FRZB: variants seen among roughly 807,000 people sequenced by gnomAD.
FRZB encodes secreted frizzled-related protein 3.
Under a neutral mutation model 32.5 loss-of-function variants are expected in FRZB, and 34 were observed. That is an observed-to-expected ratio of 1.05 (90% CI 0.80 to 1.39). The LOEUF is 1.39. Ranked by LOEUF, FRZB falls within the 40% of genes most tolerant of loss-of-function variation. The pLI, the probability that FRZB is intolerant of heterozygous loss-of-function variation, is 0.00. For synonymous variants in FRZB, 170 were observed against 159.2 expected (o/e 1.07, Z -0.51); for missense variants, 423 against 424.8 (o/e 1.00, Z 0.04).
At chr2:182,848,814 G>A (rs1695676149) in intron 2 of FRZB, among the ~76,000 whole-genome samples, 1 of 152,186 alleles carries the variant, frequency 6.6e-6, no homozygotes, top group African/African-American at 2.4e-5. Flanking sequence ...AGTCCCAAGT[G>A]TGTACAGTAT....
At chr2:182,845,968 C>T (rs1695635094) in intron 2 of FRZB, among the ~76,000 whole-genome samples, 3 of 152,214 alleles carry the variant, frequency 2.0e-5, no homozygotes, top group Non-Finnish European at 2.9e-5. Flanking sequence ...TAGTCTGCAG[C>T]TCAGGGGAAA....
At chr2:182,852,109 G>A (rs1368698563) in intron 2 of FRZB, among the ~76,000 whole-genome samples, 3 of 152,168 alleles carry the variant, frequency 2.0e-5, no homozygotes, top group African/African-American at 7.2e-5. Context: ...TGGCTCTACA[G>A]TCAGTAAACA....
Position 182,843,928 on chromosome 2 carries a change from C to A in FRZB, c.527-1385G>T, listed in dbSNP as rs1177709589. 2.0e-5 allele frequency among the ~76,000 whole-genome samples: 3 copies of A among 148,160 alleles called. No homozygotes were observed. The South Asian group carries it at 6.4e-4, about 31-fold the overall frequency. On this transcript the variant is annotated intron_variant, in intron 2 of 5. Transcript: ENST00000295113. ...ACTGGGTGATAGAGTAAGACCCCGT[C>A]TCAAAAAAAAAAAAAAGTTGTTTTA...
chr2:182,837,427 G>C (rs536098930), intron 5 of FRZB, among the ~76,000 whole-genome samples: 1 of 152,028 alleles, frequency 6.6e-6, no homozygotes, highest in East Asian at 1.9e-4. Context: ...ACTGCAGTTT[G>C]TTCAAAGAAG....
chr2:182,847,111 A>T (rs1298876756), intron 2 of FRZB, among the ~76,000 whole-genome samples: 1 of 152,236 alleles, frequency 6.6e-6, no homozygotes, highest in Non-Finnish European at 1.5e-5. Context: ...AATCCAGAAG[A>T]GGATAAAGAC....
intron 3 of FRZB, 76 bp from the exon 4 acceptor site, chr2:182,838,689 G>A: frequency 8.4e-7 from 1 of 1,191,526 alleles, no homozygotes; most frequent in African/African-American, 1.5e-5. Flanking sequence ...GCCAAAGTAG[G>A]CTTCTCTTTA....
At chr2:182,858,749 C>T (rs1695798389) in intron 2 of FRZB, 37 bp downstream of exon 2, 1 of 1,532,022 alleles carries the variant, frequency 6.5e-7, no homozygotes. Flanking sequence ...ACTAATCTGA[C>T]CACAAATGAA....
intron 1 of FRZB, among the ~76,000 whole-genome samples, chr2:182,864,290 T>G (rs1279565928): frequency 1.3e-5 from 2 of 152,174 alleles, no homozygotes; most frequent in African/African-American, 4.8e-5. Flanking sequence ...TAAGAGCAAG[T>G]TTTGTGCTTT....
At chr2:182,847,331 A>C (rs181438193) in intron 2 of FRZB, among the ~76,000 whole-genome samples, 1 of 152,334 alleles carries the variant, frequency 6.6e-6, no homozygotes, top group Non-Finnish European at 1.5e-5. Flanking sequence ...AAGACAGAGA[A>C]TATGAAGTCC....
intron 2 of FRZB, among the ~76,000 whole-genome samples, chr2:182,849,430 T>C (rs2105758101): frequency 6.6e-6 from 1 of 152,210 alleles, no homozygotes; most frequent in African/African-American, 2.4e-5. Flanking sequence ...ATTTCTTTCA[T>C]TTTTTTATAA....
intron 2 of FRZB, among the ~76,000 whole-genome samples, chr2:182,849,428 CA>C (rs977403250): frequency 7.9e-5 from 12 of 152,040 alleles, no homozygotes; most frequent in African/African-American, 2.9e-4. Flanking sequence ...ACATTTCTTT[CA>C]TTTTTTTATA....
rs1278162506 is a variant in FRZB at position 182,834,506 on chromosome 2, T to G, written c.*343A>C. The G allele has an allele frequency of 4.1e-6, 1 of 243,958 alleles. No homozygotes were observed. Among genetic ancestry groups the G allele is most frequent in the Non-Finnish European group, 8.0e-6 (1 of 124,960 alleles). The allele number at this position is 243,958 out of a possible 1,614,324, so 15.1% of individuals were successfully genotyped here. A position where few individuals can be genotyped will look rare whatever the true frequency, so the allele number is the denominator to read the frequency against. On this transcript the variant is annotated 3_prime_UTR_variant, in exon 6 of 6. Coordinates refer to ENST00000295113, the MANE Select transcript of FRZB (RefSeq NM_001463.4). ...TTTTCATCCAATATTGCATTCCCAA[T>G]TGGGGTGCAGAAAGTAAATTAACAT...
chr2:182,841,121 C>T (rs1299849777), intron 3 of FRZB, among the ~76,000 whole-genome samples: 1 of 152,038 alleles, frequency 6.6e-6, no homozygotes, highest in African/African-American at 2.4e-5. Flanking sequence ...AGGCATTTGA[C>T]TTCTTACATA....
intron 1 of FRZB, among the ~76,000 whole-genome samples, chr2:182,860,727 C>A (rs1192534266): frequency 6.6e-6 from 1 of 151,880 alleles, no homozygotes; most frequent in African/African-American, 2.4e-5. Flanking sequence ...ATTAGCTGGG[C>A]GTGGTGGCAT....
chr2:182,842,108 C>CT (rs1467631749), intron 3 of FRZB, among the ~76,000 whole-genome samples: 2 of 152,154 alleles, frequency 1.3e-5, no homozygotes, highest in African/African-American at 4.8e-5. Context: ...TCAAAGTGCT[C>CT]TGCTGTTCAC....
At chr2:182,848,596 A>G (rs1308618309) in intron 2 of FRZB, among the ~76,000 whole-genome samples, 1 of 152,108 alleles carries the variant, frequency 6.6e-6, no homozygotes, top group Admixed American at 6.5e-5. Flanking sequence ...TCCTGGTGTC[A>G]ATGATGAAAG....
intron 2 of FRZB, among the ~76,000 whole-genome samples, chr2:182,844,431 T>G (rs1372085670): frequency 6.6e-6 from 1 of 152,208 alleles, no homozygotes; most frequent in Non-Finnish European, 1.5e-5. Context: ...ATTCTTGAGA[T>G]GAGAATATTT....
At chr2:182,857,511 T>C (rs1293290153) in intron 2 of FRZB, among the ~76,000 whole-genome samples, 2 of 151,278 alleles carry the variant, frequency 1.3e-5, no homozygotes, top group Non-Finnish European at 2.9e-5. Flanking sequence ...TCCTAGCTAG[T>C]TGGGAGGCTG....
At chr2:182,834,996 A>C (rs752754439) in intron 5 of FRZB, 31 bp from the exon 6 acceptor site, 1 of 1,428,438 alleles carries the variant, frequency 7.0e-7, no homozygotes, top group Non-Finnish European at 9.9e-7. Context: ...AATAGTCACA[A>C]GCACATATCA....
Sources: gnomAD v4.1 joint callset for allele counts (sites outside exome capture counted in the v4.1 genomes callset) on GRCh38, gnomAD v4.1.1 for gene constraint, MANE v1.5 for transcripts, NCBI Gene and HGNC (gene_info 2026-07-23, HGNC 2026-07-21) for gene names.